The following FRMPD1 variants were observed in gnomAD, a reference collection of about 807,000 sequenced individuals.
FRMPD1 encodes FERM and PDZ domain-containing protein 1.
A neutral mutation model predicts 117.8 loss-of-function variants in FRMPD1; 76 were observed. The observed-to-expected ratio is 0.65, with a 90% CI of 0.54 to 0.78. FRMPD1 has a LOEUF of 0.78. FRMPD1 is among the 30% of genes least tolerant of loss of function. FRMPD1 has a pLI of 0.00. For synonymous variants in FRMPD1, 783 were observed against 770.4 expected, an observed-to-expected ratio of 1.02 and a Z score of -0.27; for missense variants, 1,786 against 1,964.5, an observed-to-expected ratio of 0.91 and a Z score of 1.72.
intron 2 of FRMPD1, 114 bp from the exon 3 acceptor site, chr9:37,707,302 A>G (rs1366680084): frequency 4.0e-6 from 3 of 746,324 alleles, no homozygotes; most frequent in Non-Finnish European, 2.2e-6. Flanking sequence ...TCAAGAGGAG[A>G]ATTGGTGTCT....
At chr9:37,654,652 A>T (rs998136829) in intron 1 of FRMPD1, among the ~76,000 whole-genome samples, 1 of 152,220 alleles carries the variant, frequency 6.6e-6, no homozygotes, top group Non-Finnish European at 1.5e-5. Flanking sequence ...TAAAAGTTCA[A>T]TTGAGGGTGA....
the FRMPD1 span, among the ~76,000 whole-genome samples, chr9:37,644,281 C>T: frequency 6.6e-6 from 1 of 151,910 alleles, no homozygotes; most frequent in African/African-American, 2.4e-5. Flanking sequence ...GTTGGGGTAG[C>T]TGGGCCCCTC....
rs745448531 is a variant in FRMPD1 at position 37,740,541 on chromosome 9, G to A, written c.2013G>A (p.Lys671=). The change falls in exon 15 of 16, where the codon AAG becomes AAA. Residue 671 remains lysine, a synonymous_variant. Transcript: ENST00000377765. The surrounding 1 kb of genome is among the most constrained non-coding windows in gnomAD (Gnocchi z 4.2). ...AGAGAGCCAACCCCCAGTGCCAGAAGACAGAGTTTTCCGAGAGTGCTGCTT... is the reference window on the plus strand; with the variant it reads ...AGAGAGCCAACCCCCAGTGCCAGAAAACAGAGTTTTCCGAGAGTGCTGCTT... ...LAQRANPQCQ[K]TEFSESAALE... 5.3e-5 allele frequency: 85 copies of A among 1,614,132 alleles called. 2 individuals are homozygous for A. The South Asian group carries it at 8.5e-4, about 16-fold the overall frequency.
rs200179129 is a variant in FRMPD1, at chr9:37,745,635, C to T, written c.3603C>T (p.Phe1201=). 2.3e-5 allele frequency: 37 copies of T among 1,614,148 alleles called. No homozygotes were observed. The highest frequency in any genetic ancestry group is 1.1e-4 in the East Asian group (5 of 44,884). The change falls in exon 16 of 16, where the codon TTC becomes TTT. Residue 1201 remains phenylalanine, a synonymous_variant. Transcript: ENST00000377765. ...GCCAGGCTCAAGAACAAAAACTATT[C>T]GTAGAGTTGGATTTAGACCCTGATT... ...QGCQAQEQKL[F]VELDLDPDFF... is the part of the protein sequence containing the mutation.
chr9:37,614,233 A>T, the FRMPD1 span, among the ~76,000 whole-genome samples: 1 of 152,310 alleles, frequency 6.6e-6, no homozygotes, highest in South Asian at 2.1e-4. Flanking sequence ...GGCATGTGGG[A>T]CTGAGGGGTA....
intron 2 of FRMPD1, among the ~76,000 whole-genome samples, chr9:37,703,489 C>A (rs182393598): frequency 6.6e-6 from 1 of 152,220 alleles, no homozygotes; most frequent in Admixed American, 6.5e-5. Context: ...AAGCTTTCCC[C>A]ACTTCAGGAT....
intron 1 of FRMPD1, among the ~76,000 whole-genome samples, chr9:37,686,040 C>G (rs2381722): frequency 0.22 from 33,501 of 152,098 alleles, 3,834 homozygotes; most frequent in Non-Finnish European, 0.25. Context: ...AGAGAGTTTG[C>G]CTTTTTATAT....
the FRMPD1 span, among the ~76,000 whole-genome samples, chr9:37,629,994 A>G: frequency 3.3e-5 from 5 of 152,156 alleles, no homozygotes; most frequent in Non-Finnish European, 5.9e-5. Context: ...CGGACTGCTG[A>G]CATCTTGCTG....
rs781291551 is a variant in FRMPD1, at chr9:37,732,454, G to A, written c.995+14G>A. ...AAAGTATATAGAGTGAGTGGCAGGG[G>A]ATGGCAGCTGCATTGCATTTATAAC... is the stretch of plus-strand genomic sequence containing the variant. On this transcript the variant is annotated intron_variant, in intron 10 of 15. Transcript: ENST00000377765. The A allele has an allele frequency of 6.3e-7, 1 of 1,585,726 alleles. No homozygotes were observed. The highest frequency in any genetic ancestry group is 1.4e-5 in the African/African-American group (1 of 73,690).
At chr9:37,675,125 G>C (rs140473363) in intron 1 of FRMPD1, among the ~76,000 whole-genome samples, 1 of 152,186 alleles carries the variant, frequency 6.6e-6, no homozygotes, top group South Asian at 2.1e-4. Flanking sequence ...AATGATCCAC[G>C]TAAGGAAGAG....
chr9:37,687,169 A>T (rs965310757), intron 1 of FRMPD1, among the ~76,000 whole-genome samples: 1 of 152,216 alleles, frequency 6.6e-6, no homozygotes, highest in Non-Finnish European at 1.5e-5. Flanking sequence ...AACTCATTCC[A>T]TGCTGGGATC....
chr9:37,692,793 G>C (rs1431395877), intron 2 of FRMPD1, 51 bp downstream of exon 2: 1 of 1,302,314 alleles, frequency 7.7e-7, no homozygotes, highest in African/African-American at 1.4e-5. Flanking sequence ...TGGTGTCCCG[G>C]GGGAGGAGCT....
chr9:37,735,877 TATCAAACGGAAAGTGGTAA>T (rs1824098600), intron 13 of FRMPD1, 143 bp downstream of exon 13: 1 of 624,896 alleles, frequency 1.6e-6, no homozygotes, highest in Admixed American at 3.2e-5. Flanking sequence ...CATCCTGTTC[TATCAAACGGAAAGTGGTAA>T]ATGGTAAATT....
the FRMPD1 span, among the ~76,000 whole-genome samples, chr9:37,617,428 C>T: frequency 3.3e-5 from 5 of 152,364 alleles, no homozygotes; most frequent in East Asian, 7.7e-4. Context: ...CTTACTGGCT[C>T]TGTGCCTGTT....
chr9:37,632,282 TTGA>T, the FRMPD1 span, among the ~76,000 whole-genome samples: 1 of 152,238 alleles, frequency 6.6e-6, no homozygotes, highest in African/African-American at 2.4e-5. Context: ...GTTCAATATG[TTGA>T]TGAACATTCT....
At chr9:37,728,621 G>A (rs1400894398) in intron 7 of FRMPD1, among the ~76,000 whole-genome samples, 1 of 152,054 alleles carries the variant, frequency 6.6e-6, no homozygotes, top group African/African-American at 2.4e-5. Context: ...TCAGAATTAC[G>A]CATTATTGTC....
the FRMPD1 span, among the ~76,000 whole-genome samples, chr9:37,629,199 C>CAAA: frequency 6.7e-6 from 1 of 148,332 alleles, no homozygotes; most frequent in African/African-American, 2.5e-5. Context: ...ACTCCATCTC[C>CAAA]AAAAAAAAAA....
intron 12 of FRMPD1, among the ~76,000 whole-genome samples, chr9:37,735,300 A>G (rs1210986734): frequency 6.6e-6 from 1 of 152,192 alleles, no homozygotes; most frequent in Non-Finnish European, 1.5e-5. Flanking sequence ...GAAGATAGGT[A>G]CATAGGTGTG....
the FRMPD1 span, among the ~76,000 whole-genome samples, chr9:37,640,672 TTGTC>T: frequency 6.6e-6 from 1 of 152,060 alleles, no homozygotes; most frequent in African/African-American, 2.4e-5. Flanking sequence ...AAGGTTATCT[TTGTC>T]TGTCAATAGT....
Sources: allele counts gnomAD v4.1 joint callset (sites outside exome capture counted in the v4.1 genomes callset), GRCh38; gene constraint gnomAD v4.1.1; non-coding constraint Gnocchi (gnomAD v3.1); transcripts MANE v1.5; gene names NCBI Gene and HGNC (gene_info 2026-07-23, HGNC 2026-07-21).